TAFA1: variants seen among roughly 807,000 people sequenced by gnomAD.
TAFA1 encodes TAFA chemokine like family member 1.
In TAFA1, 4 loss-of-function variants were observed where a neutral mutation model predicts 18.5. That is an observed-to-expected ratio of 0.22 (90% CI 0.11 to 0.49). TAFA1 has a LOEUF of 0.49. Among genes scored for constraint, TAFA1 ranks in the 20% least tolerant of loss-of-function variants. TAFA1 has a pLI of 0.98. For synonymous variants in TAFA1, 56 were observed against 55.2 expected, an observed-to-expected ratio of 1.01 and a Z score of -0.06; for missense variants, 147 against 169.0, an observed-to-expected ratio of 0.87 and a Z score of 0.72.
At chr3:68,152,991 A>G (rs1238743594) in intron 2 of TAFA1, among the ~76,000 whole-genome samples, 1 of 152,134 alleles carries the variant, frequency 6.6e-6, no homozygotes, top group African/African-American at 2.4e-5. Flanking sequence ...AACTGAGAGT[A>G]AGGGAGGCTT....
intron 2 of TAFA1, among the ~76,000 whole-genome samples, chr3:68,331,233 G>A (rs1468749308): frequency 2.0e-5 from 3 of 152,158 alleles, no homozygotes; most frequent in Non-Finnish European, 4.4e-5. Context: ...TATCTTGAAT[G>A]AGCAAATCTA....
chr3:68,457,917 TC>T (rs1309890984), intron 3 of TAFA1, among the ~76,000 whole-genome samples: 2 of 152,160 alleles, frequency 1.3e-5, no homozygotes, highest in African/African-American at 4.8e-5. Context: ...GATGACATTG[TC>T]CCATAGACCA....
intron 3 of TAFA1, among the ~76,000 whole-genome samples, chr3:68,493,974 T>A (rs1057064798): frequency 2.6e-5 from 4 of 152,210 alleles, no homozygotes; most frequent in Admixed American, 6.5e-5. Flanking sequence ...CTGATCTTAC[T>A]TGCTGTGCTT....
chr3:67,999,940 CACCAT>C (rs529778368), upstream of TAFA1, among the ~76,000 whole-genome samples: 87 of 152,194 alleles, frequency 5.7e-4, no homozygotes, highest in African/African-American at 2.0e-3. Flanking sequence ...AGGCACCTGC[CACCAT>C]ACCCAGATAA....
At chr3:68,532,303 G>C (rs1284522449) in intron 3 of TAFA1, among the ~76,000 whole-genome samples, 1 of 152,186 alleles carries the variant, frequency 6.6e-6, no homozygotes, top group African/African-American at 2.4e-5. Context: ...GGCAAAGAAA[G>C]GCTGCCTTCT....
chr3:68,377,456 C>G (rs12107838), intron 2 of TAFA1, among the ~76,000 whole-genome samples: 8 of 152,152 alleles, frequency 5.3e-5, no homozygotes, highest in African/African-American at 1.7e-4. Flanking sequence ...CCCTAGAGAT[C>G]TGTGGCACTT....
intron 2 of TAFA1, among the ~76,000 whole-genome samples, chr3:68,355,238 G>A (rs747174723): frequency 5.3e-5 from 8 of 151,912 alleles, no homozygotes; most frequent in Non-Finnish European, 7.4e-5. Context: ...AGTCAACATA[G>A]TCCTACTTTT....
At chr3:68,272,438 GGGCCT>G (rs2067693967) in intron 2 of TAFA1, among the ~76,000 whole-genome samples, 1 of 152,048 alleles carries the variant, frequency 6.6e-6, no homozygotes, top group Non-Finnish European at 1.5e-5. Context: ...ACGTAACATG[GGGCCT>G]GGCATATCAT....
chr3:68,138,742 T>G (rs2065636277), intron 2 of TAFA1, among the ~76,000 whole-genome samples: 1 of 152,202 alleles, frequency 6.6e-6, no homozygotes, highest in African/African-American at 2.4e-5. Context: ...ATAAAGCACT[T>G]AGCACAGAAC....
chr3:68,047,680 T>A (rs1180261080), intron 2 of TAFA1, among the ~76,000 whole-genome samples: 1 of 152,088 alleles, frequency 6.6e-6, no homozygotes, highest in Non-Finnish European at 1.5e-5. Flanking sequence ...ATATTGGCAA[T>A]ATTTACATCT....
chr3:68,289,815 G>T (rs2068077238), intron 2 of TAFA1, among the ~76,000 whole-genome samples: 1 of 152,170 alleles, frequency 6.6e-6, no homozygotes, highest in Admixed American at 6.5e-5. Flanking sequence ...TGTTATTTAA[G>T]ATTCAGCAGG....
At chr3:68,240,461 C>A (rs1453557104) in intron 2 of TAFA1, among the ~76,000 whole-genome samples, 1 of 152,172 alleles carries the variant, frequency 6.6e-6, no homozygotes, top group Admixed American at 6.5e-5. Flanking sequence ...AAGAGAGCAG[C>A]AGAAGATGTA....
intron 2 of TAFA1, among the ~76,000 whole-genome samples, chr3:68,223,163 A>G (rs1386877009): frequency 6.6e-6 from 1 of 152,158 alleles, no homozygotes; most frequent in Admixed American, 6.6e-5. Flanking sequence ...CAAAATAATC[A>G]GTGTGATTTC....
intron 2 of TAFA1, among the ~76,000 whole-genome samples, chr3:68,164,299 A>C (rs1288365732): frequency 6.6e-6 from 1 of 152,204 alleles, no homozygotes; most frequent in East Asian, 1.9e-4. Flanking sequence ...TAAGCTGTTT[A>C]ATGTACATGA....
chr3:68,271,844 A>T (rs1420271023), intron 2 of TAFA1, among the ~76,000 whole-genome samples: 1 of 128,546 alleles, frequency 7.8e-6, no homozygotes, highest in Non-Finnish European at 1.7e-5. Context: ...TCTCACACAC[A>T]CACACACACA....
chr3:68,453,054 G>T (rs2071593543), intron 3 of TAFA1, among the ~76,000 whole-genome samples: 1 of 152,052 alleles, frequency 6.6e-6, no homozygotes, highest in Admixed American at 6.6e-5. Flanking sequence ...TTTCCTTGCT[G>T]CTATAGAATT....
At chr3:68,400,449 A>G (rs1333573621) in intron 2 of TAFA1, among the ~76,000 whole-genome samples, 1 of 152,194 alleles carries the variant, frequency 6.6e-6, no homozygotes, top group African/African-American at 2.4e-5. Context: ...TATACATACA[A>G]TGAAGATTCT....
At chr3:68,053,515 A>C (rs1443530313) in intron 2 of TAFA1, among the ~76,000 whole-genome samples, 1 of 151,920 alleles carries the variant, frequency 6.6e-6, no homozygotes, top group Non-Finnish European at 1.5e-5. Context: ...AAACCTTGAC[A>C]TCTGTATTTT....
chr3:68,091,801 G>T (rs1387868237), intron 2 of TAFA1, among the ~76,000 whole-genome samples: 1 of 152,112 alleles, frequency 6.6e-6, no homozygotes, highest in African/African-American at 2.4e-5. Context: ...ATGCTGAGAT[G>T]CTGGGATCGA....
Sources: allele counts gnomAD v4.1 joint callset (sites outside exome capture counted in the v4.1 genomes callset), GRCh38; gene constraint gnomAD v4.1.1; transcripts MANE v1.5; gene names NCBI Gene and HGNC (gene_info 2026-07-23, HGNC 2026-07-21).